ZNF532: variants seen among roughly 807,000 people sequenced by gnomAD.
ZNF532 encodes the protein zinc finger protein 532.
In ZNF532, 22 loss-of-function variants were observed where a neutral mutation model predicts 89.3. That is an observed-to-expected ratio of 0.25 (90% CI 0.18 to 0.35). The LOEUF (loss-of-function observed/expected upper bound fraction) is 0.35. Ranked by LOEUF, ZNF532 falls within the 10% of genes least tolerant of loss-of-function variation. The pLI, the probability that ZNF532 is intolerant of heterozygous loss-of-function variation, is 1.00. For missense variants in ZNF532, 1,132 were observed against 1,643.4 expected (o/e 0.69, Z 5.38); for synonymous variants, 606 against 649.6 (o/e 0.93, Z 1.02).
At chr18:58,888,791 TA>T (rs1306877431) in intron 2 of ZNF532, among the ~76,000 whole-genome samples, 12 of 42,098 alleles carry the variant, frequency 2.9e-4, no homozygotes, top group African/African-American at 1.4e-3. Context: ...ATATAAAATA[TA>T]TATAATTTAT....
intron 7 of ZNF532, among the ~76,000 whole-genome samples, chr18:58,956,521 T>G (rs1437492572): frequency 6.6e-6 from 1 of 152,174 alleles, no homozygotes; most frequent in Admixed American, 6.5e-5. Flanking sequence ...TACAAGCATC[T>G]TATATCTATC....
At chr18:58,902,398 C>T (rs1164557390) in intron 2 of ZNF532, among the ~76,000 whole-genome samples, 2 of 152,034 alleles carry the variant, frequency 1.3e-5, no homozygotes, top group African/African-American at 2.4e-5. Flanking sequence ...CCCTCTGTTG[C>T]CCCAGACTGG....
intron 2 of ZNF532, among the ~76,000 whole-genome samples, chr18:58,898,613 C>T (rs970851808): frequency 2.0e-5 from 3 of 152,176 alleles, no homozygotes; most frequent in East Asian, 1.9e-4. Context: ...GCGTGAATGC[C>T]GCGCTAGACC....
intron 2 of ZNF532, among the ~76,000 whole-genome samples, chr18:58,880,191 C>T (rs557192722): frequency 2.0e-5 from 3 of 152,168 alleles, no homozygotes; most frequent in Non-Finnish European, 4.4e-5. Flanking sequence ...GCTCGATAGA[C>T]ACTTGTTTGT....
At chr18:58,901,843 C>G (rs1029274640) in intron 2 of ZNF532, among the ~76,000 whole-genome samples, 3 of 152,176 alleles carry the variant, frequency 2.0e-5, no homozygotes, top group Non-Finnish European at 4.4e-5. Context: ...CCACCCTGCT[C>G]TCACAGCCTG....
Position 58,883,648 on chromosome 18 carries a change from G to A in ZNF532, c.-18+18069G>A, listed in dbSNP as rs116128963. Among the ~76,000 whole-genome samples, 517 of 152,266 alleles carry A rather than the reference G, an allele frequency of 3.4e-3. 5 individuals are homozygous for A. The highest frequency in any genetic ancestry group is 0.012 in the African/African-American group (486 of 41,548). On this transcript the variant is annotated intron_variant, in intron 2 of 9. Transcript: ENST00000591808. The stretch of plus-strand genomic sequence containing the variant: ...GGCATCCCTGCTCACATAAAGCAGA[G>A]TTTTTTAACCTCAGCACCGTTAGCA...
chr18:58,907,306 C>T lies in ZNF532; in HGVS notation c.-17-10965C>T, dbSNP rs555481793. Among the ~76,000 whole-genome samples the T allele has an allele frequency of 2.0e-5, 3 of 152,254 alleles. No individual in the cohort carries two copies. In the East Asian group the frequency reaches 5.8e-4, roughly 29 times the overall value. On this transcript the variant is annotated intron_variant, in intron 2 of 9. Coordinates refer to ENST00000591808, the MANE Select transcript of ZNF532 (RefSeq NM_001375912.1). ...GCTCAAGCGATTCTCTTGCCTGAGC[C>T]TCCTGAGTAGCTGGGATTACAGACG...
At chr18:58,982,777 C>T (rs963406408) in intron 9 of ZNF532, among the ~76,000 whole-genome samples, 2 of 152,102 alleles carry the variant, frequency 1.3e-5, no homozygotes, top group African/African-American at 4.8e-5. Flanking sequence ...ACTGATGTGG[C>T]ATTAAAATGC....
At chr18:58,868,141 G>A (rs1272592497) in intron 2 of ZNF532, among the ~76,000 whole-genome samples, 1 of 152,176 alleles carries the variant, frequency 6.6e-6, no homozygotes, top group Admixed American at 6.5e-5. Context: ...CCAGCTGGCT[G>A]TTAACAGGTG....
At chr18:58,863,510 C>G (rs1287706576), upstream of ZNF532, 7 of 5,988 alleles carry the variant, frequency 1.2e-3, no homozygotes, top group East Asian at 4.4e-3. Flanking sequence ...GCCGAGCCGC[C>G]GCCGCCGCCG....
chr18:58,939,704 C>T (rs1054149027), intron 5 of ZNF532, 83 bp downstream of exon 5: 347 of 1,348,590 alleles, frequency 2.6e-4, no homozygotes, highest in Middle Eastern at 3.8e-4. Flanking sequence ...TATTGAATAA[C>T]ATTTACCAAG....
intron 2 of ZNF532, among the ~76,000 whole-genome samples, chr18:58,899,206 T>A (rs776076315): frequency 6.6e-6 from 1 of 152,234 alleles, no homozygotes; most frequent in Non-Finnish European, 1.5e-5. Context: ...CCACCTCTTG[T>A]ATTGGGCCAG....
intron 2 of ZNF532, among the ~76,000 whole-genome samples, chr18:58,869,728 T>C (rs1242474677): frequency 6.6e-6 from 1 of 151,984 alleles, no homozygotes; most frequent in Non-Finnish European, 1.5e-5. Context: ...AGGGGAGATT[T>C]TGGAAGATTT....
In ZNF532 at chr18:58,980,630, A is replaced by C. The variant is rs549707898; in HGVS notation, c.3264-840A>C. The C allele has an allele frequency of 1.1e-4, 17 of 152,236 alleles. No individual in the cohort carries two copies. The Middle Eastern group carries it at 0.014, about 122-fold the overall frequency. The allele number at this position is 152,236 out of a possible 1,614,324, so 9.4% of individuals were successfully genotyped here. ...TGGTTTTATAGCATACATAATAACT[A>C]GGGCCATTACCTCTTTTTTTTCTTT... On this transcript the variant is annotated intron_variant, in intron 8 of 9. Coordinates refer to ENST00000591808, the MANE Select transcript of ZNF532 (RefSeq NM_001375912.1).
chr18:58,978,529 TGA>T (rs972633540), intron 7 of ZNF532, among the ~76,000 whole-genome samples: 2 of 152,178 alleles, frequency 1.3e-5, no homozygotes, highest in Non-Finnish European at 2.9e-5. Flanking sequence ...CCTGTGTTTT[TGA>T]GAGAGAATTT....
chr18:58,963,602 AATGTGT>A (rs2065579335), intron 7 of ZNF532, among the ~76,000 whole-genome samples: 1 of 125,004 alleles, frequency 8.0e-6, no homozygotes, highest in African/African-American at 3.2e-5. Flanking sequence ...AAAAGAAAAA[AATGTGT>A]GTGTGTGTGT....
chr18:58,941,225 TC>T (rs2062991821), intron 5 of ZNF532, among the ~76,000 whole-genome samples: 1 of 152,130 alleles, frequency 6.6e-6, no homozygotes, highest in Non-Finnish European at 1.5e-5. Flanking sequence ...TCTTCAGTTT[TC>T]AGGACTGTTA....
rs1230242230 is a variant in ZNF532, at chr18:58,888,856, TTA to T, written c.-18+23288_-18+23289del. Among the ~76,000 whole-genome samples the T allele has an allele frequency of 8.8e-4, 39 of 44,388 alleles. 6 individuals carry two copies. The highest frequency in any genetic ancestry group is 5.2e-3 in the South Asian group (8 of 1,530). 29.1% of individuals were successfully genotyped at this position (44,388 alleles called of 152,430 possible). A position where few individuals can be genotyped will look rare whatever the true frequency, so the allele number is the denominator to read the frequency against. ...TATATATAATTTATATATATATAAT[TTA>T]TATATATATAATATATATTATATAT... On this transcript the variant is annotated intron_variant, in intron 2 of 9. Transcript: ENST00000591808.
chr18:58,865,758 G>GGT (rs1290611649), intron 2 of ZNF532, among the ~76,000 whole-genome samples, 179 bp downstream of exon 2: 3 of 152,186 alleles, frequency 2.0e-5, no homozygotes, highest in Non-Finnish European at 1.5e-5. Flanking sequence ...TTGCGATCAA[G>GGT]GCGAAATCTG....
Sources: gnomAD v4.1 joint callset for allele counts (sites outside exome capture counted in the v4.1 genomes callset) on GRCh38, gnomAD v4.1.1 for gene constraint, MANE v1.5 for transcripts, NCBI Gene and HGNC (gene_info 2026-07-23, HGNC 2026-07-21) for gene names.